ATAD2B: variants seen among roughly 807,000 people sequenced by gnomAD.
ATAD2B encodes ATPase family AAA domain-containing protein 2B.
Under a neutral mutation model 167.6 loss-of-function variants are expected in ATAD2B, and 40 were observed. The ratio of observed to expected loss-of-function variants is 0.24; its 90% confidence interval spans 0.19 to 0.31. The LOEUF is 0.31. Among genes scored for constraint, ATAD2B ranks in the 10% least tolerant of loss-of-function variants. ATAD2B has a pLI of 1.00. For missense variants in ATAD2B, 1,242 were observed against 1,757.2 expected (o/e 0.71, Z 5.24); for synonymous variants, 579 against 596.5 (o/e 0.97, Z 0.43).
At chr2:23,895,552 G>A (rs1700055182) in intron 2 of ATAD2B, among the ~76,000 whole-genome samples, 1 of 151,748 alleles carries the variant, frequency 6.6e-6, no homozygotes, top group Non-Finnish European at 1.5e-5. Context: ...TAAATTTTCA[G>A]GACTATAAAC....
At chr2:23,784,023 T>C (rs1680443199) in intron 21 of ATAD2B, among the ~76,000 whole-genome samples, 1 of 152,080 alleles carries the variant, frequency 6.6e-6, no homozygotes, top group Non-Finnish European at 1.5e-5. Flanking sequence ...GTGCTTTATT[T>C]TTCACCTTTT....
chr2:23,864,091 G>A (rs56413706), intron 11 of ATAD2B, among the ~76,000 whole-genome samples: 15,566 of 149,578 alleles, frequency 0.1, 893 homozygotes, highest in Middle Eastern at 0.18. Flanking sequence ...TACAACCTCC[G>A]CTTCCTGGGT....
the ATAD2B span, among the ~76,000 whole-genome samples, chr2:23,740,836 T>A: frequency 6.6e-6 from 1 of 152,162 alleles, no homozygotes; most frequent in Non-Finnish European, 1.5e-5. Context: ...CTCAAGCTGA[T>A]AAGCAACTTC....
rs766617959 is a variant in ATAD2B at position 23,757,731 on chromosome 2, C to T, written c.3765G>A (p.Gln1255=). The T allele has an allele frequency of 4.3e-6, 7 of 1,609,642 alleles. No individual in the cohort carries two copies. The African/African-American group carries it at 5.4e-5, about 12-fold the overall frequency. Residue 1255 remains glutamine (Q), a synonymous_variant, in exon 25 of 28, where the codon CAG becomes CAA. Coordinates refer to ENST00000238789, the MANE Select transcript of ATAD2B (RefSeq NM_017552.4). ...TAAGGAAAGTCTCTTTCCTGGAGGT[C>T]TGCTCCGGGTTTAAGGAACTGCTGC... ...VNSSSSLNPE[Q]TSRKETFLKG...
intron 15 of ATAD2B, among the ~76,000 whole-genome samples, chr2:23,825,402 T>C (rs187871506): frequency 3.3e-5 from 5 of 152,328 alleles, no homozygotes; most frequent in African/African-American, 4.8e-5. Context: ...CGCATTAACA[T>C]TGTTCCATGA....
At chr2:23,820,416 T>C (rs1306424056) in intron 16 of ATAD2B, among the ~76,000 whole-genome samples, 1 of 152,176 alleles carries the variant, frequency 6.6e-6, no homozygotes, top group Non-Finnish European at 1.5e-5. Context: ...TCATACAGCA[T>C]TATTCTCTCT....
At chr2:23,832,828 T>C (rs554871395) in intron 14 of ATAD2B, among the ~76,000 whole-genome samples, 28 of 152,298 alleles carry the variant, frequency 1.8e-4, no homozygotes, top group African/African-American at 2.2e-4. Context: ...CCCAATGTAC[T>C]GAAGAGTATA....
At chr2:23,922,195 C>T (rs116088549) in intron 1 of ATAD2B, among the ~76,000 whole-genome samples, 5,887 of 152,078 alleles carry the variant, frequency 0.039, 110 homozygotes, top group Admixed American at 0.046. Context: ...AGCAAACAGA[C>T]CTAACAATTA....
chr2:23,877,000 G>T (rs1696950810), intron 7 of ATAD2B, among the ~76,000 whole-genome samples: 1 of 148,986 alleles, frequency 6.7e-6, no homozygotes, highest in Admixed American at 6.8e-5. Context: ...CTAGGAGGCG[G>T]AGGTTGCAGT....
At chr2:23,905,658 T>C (rs1050326701) in intron 1 of ATAD2B, among the ~76,000 whole-genome samples, 31 of 152,166 alleles carry the variant, frequency 2.0e-4, no homozygotes, top group African/African-American at 7.5e-4. Flanking sequence ...ATCAAGGAGG[T>C]ACTGTAAGTA....
chr2:23,807,921 AAT>A (rs1198218030), intron 18 of ATAD2B, among the ~76,000 whole-genome samples: 22 of 131,538 alleles, frequency 1.7e-4, no homozygotes, highest in Non-Finnish European at 2.7e-4. Flanking sequence ...TAAATATATA[AAT>A]ATATTTATAA....
chr2:23,710,972 A>C, the ATAD2B span, among the ~76,000 whole-genome samples: 1 of 152,196 alleles, frequency 6.6e-6, no homozygotes, highest in Admixed American at 6.5e-5. Context: ...CATGCCCGAC[A>C]CTGTGCTAAG....
At chr2:23,808,152 T>TAA (rs1558570416) in intron 18 of ATAD2B, among the ~76,000 whole-genome samples, 2 of 30,434 alleles carry the variant, frequency 6.6e-5, no homozygotes, top group Non-Finnish European at 1.4e-4. Context: ...TTATATTATA[T>TAA]GTTATTTATA....
At chr2:23,795,972 A>T (rs1371732673) in intron 19 of ATAD2B, among the ~76,000 whole-genome samples, 2 of 151,512 alleles carry the variant, frequency 1.3e-5, no homozygotes, top group East Asian at 3.9e-4. Flanking sequence ...GGTGGCTCAC[A>T]CCTATAATCC....
chr2:23,703,195 C>T, the ATAD2B span: 5 of 1,451,408 alleles, frequency 3.4e-6, no homozygotes, highest in Middle Eastern at 3.6e-4. Flanking sequence ...GGTACGACAC[C>T]ATCACCAACC....
chr2:23,820,964 C>G (rs1687359412), intron 16 of ATAD2B, among the ~76,000 whole-genome samples: 1 of 151,878 alleles, frequency 6.6e-6, no homozygotes, highest in South Asian at 2.1e-4. Context: ...AAAAAAAAAG[C>G]TAAATATTTA....
intron 1 of ATAD2B, among the ~76,000 whole-genome samples, chr2:23,915,489 G>A: frequency 6.8e-6 from 1 of 148,148 alleles, no homozygotes; most frequent in East Asian, 2.0e-4. Context: ...AAAGCGTATT[G>A]CTATATTGTC....
chr2:23,857,205 A>G (rs1693567446), intron 13 of ATAD2B, among the ~76,000 whole-genome samples: 1 of 152,216 alleles, frequency 6.6e-6, no homozygotes, highest in Admixed American at 6.5e-5. Flanking sequence ...ATTCCAATAT[A>G]ACTTCATTTA....
chr2:23,716,560 T>A, the ATAD2B span, among the ~76,000 whole-genome samples: 1 of 152,212 alleles, frequency 6.6e-6, no homozygotes, highest in South Asian at 2.1e-4. Flanking sequence ...CTCTTTAGTT[T>A]CATTAGAGAC....
Sources: gnomAD v4.1 joint callset for allele counts (sites outside exome capture counted in the v4.1 genomes callset) on GRCh38, gnomAD v4.1.1 for gene constraint, MANE v1.5 for transcripts, NCBI Gene and HGNC (gene_info 2026-07-23, HGNC 2026-07-21) for gene names.